TMIGD3: variants seen among roughly 807,000 people sequenced by gnomAD.
TMIGD3 encodes AD026 protein (AD026).
A neutral mutation model predicts 28.1 loss-of-function variants in TMIGD3; 21 were observed. The observed-to-expected ratio is 0.75, with a 90% CI of 0.53 to 1.08. The LOEUF (loss-of-function observed/expected upper bound fraction) is 1.08. Ranked by LOEUF, TMIGD3 falls within the 50% of genes least tolerant of loss-of-function variation. TMIGD3 has a pLI of 0.00. For missense variants in TMIGD3, 416 were observed against 435.6 expected, an observed-to-expected ratio of 0.96 and a Z score of 0.40; for synonymous variants, 151 against 162.1, an observed-to-expected ratio of 0.93 and a Z score of 0.52.
intron 1 of TMIGD3, among the ~76,000 whole-genome samples, chr1:111,549,678 T>A (rs1191628637): frequency 1.3e-5 from 2 of 150,362 alleles, no homozygotes; most frequent in Admixed American, 6.6e-5. Context: ...ACAAGATCTC[T>A]CTCTCTGTCA....
chr1:111,549,792 G>A (rs1207846549), intron 1 of TMIGD3, among the ~76,000 whole-genome samples: 1 of 152,060 alleles, frequency 6.6e-6, no homozygotes, highest in African/African-American at 2.4e-5. Context: ...AGAGCTACAG[G>A]TGCACACCAC....
intron 1 of TMIGD3, among the ~76,000 whole-genome samples, chr1:111,554,432 T>C (rs1657398825): frequency 6.6e-6 from 1 of 152,146 alleles, no homozygotes; most frequent in Non-Finnish European, 1.5e-5. Flanking sequence ...GGAGGGTGAA[T>C]GCTAAAGCTG....
upstream of TMIGD3, among the ~76,000 whole-genome samples, chr1:111,508,182 C>T (rs1655575683): frequency 6.6e-6 from 1 of 151,002 alleles, no homozygotes; most frequent in Non-Finnish European, 1.5e-5. Context: ...CTCAGCCTCA[C>T]CCACCAGACC....
At chr1:111,489,093 C>T (rs778829487) in intron 2 of TMIGD3, 69 bp from the exon 3 acceptor site, 135 of 1,384,224 alleles carry the variant, frequency 9.8e-5, no homozygotes, top group Non-Finnish European at 1.3e-4. Flanking sequence ...AACATTGCAG[C>T]TCCTGCCCTC....
intron 1 of TMIGD3, among the ~76,000 whole-genome samples, chr1:111,562,855 C>T (rs2800904): frequency 0.91 from 137,863 of 152,252 alleles, 62,501 homozygotes; most frequent in East Asian, 0.95. Context: ...CAATCAAGTA[C>T]TTTAGAAAAG....
chr1:111,513,934 A>G (rs901718212), intron 1 of TMIGD3, among the ~76,000 whole-genome samples: 1 of 152,208 alleles, frequency 6.6e-6, no homozygotes, highest in African/African-American at 2.4e-5. Context: ...GTGCGGTTGC[A>G]TGGGAGCTGG....
At chr1:111,493,607 G>A (rs1371776955) in intron 1 of TMIGD3, among the ~76,000 whole-genome samples, 1 of 152,130 alleles carries the variant, frequency 6.6e-6, no homozygotes, top group Non-Finnish European at 1.5e-5. Context: ...CTAAGACATA[G>A]TCACTCTACT....
At chr1:111,544,042 G>A (rs1013017498) in intron 1 of TMIGD3, among the ~76,000 whole-genome samples, 18 of 152,178 alleles carry the variant, frequency 1.2e-4, no homozygotes, top group Admixed American at 6.5e-5. Flanking sequence ...CCAATCAAAT[G>A]TATAGCCTTC....
At chr1:111,553,665 G>C (rs1447481628) in intron 1 of TMIGD3, among the ~76,000 whole-genome samples, 9 of 152,164 alleles carry the variant, frequency 5.9e-5, no homozygotes, top group African/African-American at 2.2e-4. Flanking sequence ...TCTTGAAGAA[G>C]ACTTTCTGCT....
In TMIGD3 at chr1:111,487,954, A is replaced by G. The variant is rs1444094335; in HGVS notation, c.805+723T>C. Among the ~76,000 whole-genome samples the G allele has an allele frequency of 3.3e-5, 5 of 151,910 alleles. No individual in the cohort carries two copies. The East Asian group carries it at 9.7e-4, about 29-fold the overall frequency. The stretch of plus-strand genomic sequence containing the variant: ...TGAGTAGCTGGGACTACAGGCAGGC[A>G]CCACCACATCCAGCTAATTTTTGTA... On this transcript the variant is annotated intron_variant, in intron 3 of 5. Transcript: ENST00000369716.
At chr1:111,504,114 G>T (rs957132829), upstream of TMIGD3, 4 of 985,280 alleles carry the variant, frequency 4.1e-6, no homozygotes, top group African/African-American at 7.0e-5. Context: ...AGCCTTTGCA[G>T]CAAAGATCCT....
chr1:111,491,870 G>A (rs971288067), intron 1 of TMIGD3, among the ~76,000 whole-genome samples: 1 of 152,174 alleles, frequency 6.6e-6, no homozygotes, highest in African/African-American at 2.4e-5. Context: ...TTTATTTTTT[G>A]AGATGTGATA....
At chr1:111,491,851 A>T (rs1388778121) in intron 1 of TMIGD3, among the ~76,000 whole-genome samples, 1 of 152,240 alleles carries the variant, frequency 6.6e-6, no homozygotes, top group Admixed American at 6.5e-5. Context: ...TTAGGATATA[A>T]TTATTCAATT....
Position 111,488,785 on chromosome 1 carries a change from A to G in TMIGD3, c.697T>C (p.Tyr233His). 1 of 1,614,222 alleles carries G rather than the reference A, an allele frequency of 6.2e-7. No homozygotes were observed. Among genetic ancestry groups the G allele is most frequent in the Non-Finnish European group, 8.5e-7 (1 of 1,180,048 alleles). ...AAGTCCCGCTGGATGCCACACCAGTACCAGCCCGTGTCCTCTTTGGTCAGG... is the reference window on the plus strand; with the variant it reads ...AAGTCCCGCTGGATGCCACACCAGTGCCAGCCCGTGTCCTCTTTGGTCAGG... ...SCLTKEDTGWYWCGIQRDFAR... is the reference protein window; with the variant it reads ...SCLTKEDTGWHWCGIQRDFAR... The change falls in exon 3 of 6, where the codon TAC becomes CAC. Residue 233 changes from tyrosine (Y) to histidine (H), a missense_variant. By Grantham distance (83) the Tyr-to-His change is moderately conservative. Transcript: ENST00000369716.
chr1:111,511,299 A>G (rs1655684670), intron 1 of TMIGD3, among the ~76,000 whole-genome samples: 1 of 152,138 alleles, frequency 6.6e-6, no homozygotes, highest in Non-Finnish European at 1.5e-5. Flanking sequence ...CTTCTCCCCA[A>G]AGCATGAAGA....
At position 111,503,364 on chromosome 1, in the gene TMIGD3, C is replaced by T; in HGVS notation, c.-10G>A. 6.2e-7 allele frequency: 1 copy of T among 1,600,924 alleles called. No homozygotes were observed. Among genetic ancestry groups the T allele is most frequent in the South Asian group, 1.1e-5 (1 of 89,282 alleles). The stretch of plus-strand genomic sequence containing the variant: ...TGCTGTTGTTGGGCATCTTGCCTTC[C>T]CAGGGGAACCTCCACAGGGACAGGT... On this transcript the variant is annotated 5_prime_UTR_variant, in exon 1 of 6. Coordinates refer to ENST00000369716, the MANE Select transcript of TMIGD3 (RefSeq NM_020683.7).
At chr1:111,535,234 C>G (rs1656599818) in intron 1 of TMIGD3, among the ~76,000 whole-genome samples, 1 of 152,176 alleles carries the variant, frequency 6.6e-6, no homozygotes, top group African/African-American at 2.4e-5. Context: ...ATGTATCCAC[C>G]CACCCCACCT....
intron 1 of TMIGD3, among the ~76,000 whole-genome samples, chr1:111,546,411 G>C (rs952355931): frequency 3.9e-5 from 6 of 152,070 alleles, no homozygotes; most frequent in Non-Finnish European, 7.4e-5. Context: ...CCATTAAACA[G>C]TAACTCCCCA....
At chr1:111,507,009 A>T (rs5777063), upstream of TMIGD3, among the ~76,000 whole-genome samples, 1 of 132,180 alleles carries the variant, frequency 7.6e-6, no homozygotes, top group South Asian at 2.3e-4. Context: ...ACACACACAT[A>T]TGTGTGTGTG....
Sources: allele counts gnomAD v4.1 joint callset (sites outside exome capture counted in the v4.1 genomes callset), GRCh38; gene constraint gnomAD v4.1.1; transcripts MANE v1.5; gene names NCBI Gene and HGNC (gene_info 2026-07-23, HGNC 2026-07-21).